RSF1: variants seen among roughly 807,000 people sequenced by gnomAD.
RSF1 encodes remodeling and spacing factor 1, also known as HBV pX-associated protein 8.
RSF1 carries 13 observed loss-of-function variants against 145.2 expected under a neutral mutation model. The ratio of observed to expected loss-of-function variants is 0.09; its 90% CI spans 0.06 to 0.14. RSF1 has a LOEUF of 0.14. RSF1 is among the 10% of genes least tolerant of loss of function. The pLI is 1.00. For missense variants in RSF1, 1,517 were observed against 1,718.2 expected (o/e 0.88, Z 2.07); for synonymous variants, 577 against 592.6 (o/e 0.97, Z 0.38).
intron 15 of RSF1, among the ~76,000 whole-genome samples, chr11:77,671,453 A>T (rs1959547493): frequency 6.6e-6 from 1 of 151,794 alleles, no homozygotes; most frequent in Non-Finnish European, 1.5e-5. Flanking sequence ...ATAAGGGAGT[A>T]AGAAAAAGAA....
rs200848771 is a variant in RSF1, at chr11:77,734,301, C to CT, written c.578+6429dup. On this transcript the variant is annotated intron_variant, in intron 4 of 15. Transcript: ENST00000308488. ...ACATATATTTATATTATTATTATTA[C>CT]TTTTTTTGGGGGGGGGTACCAAATT... Among the ~76,000 whole-genome samples, 5 of 140,374 alleles carry CT rather than the reference C, an allele frequency of 3.6e-5. No homozygotes were observed. In the South Asian group the frequency reaches 1.1e-3, roughly 31 times the overall value. 92.1% of individuals were successfully genotyped at this position (140,374 alleles called of 152,430 possible).
chr11:77,706,239 CCA>C (rs1491571415), intron 5 of RSF1, among the ~76,000 whole-genome samples: 1 of 127,444 alleles, frequency 7.8e-6, no homozygotes, highest in Non-Finnish European at 1.6e-5. Context: ...GACTCTGTCT[CCA>C]AAAAAAAAAA....
chr11:77,834,976 A>AT, the RSF1 span, among the ~76,000 whole-genome samples: 1 of 152,194 alleles, frequency 6.6e-6, no homozygotes, highest in Non-Finnish European at 1.5e-5. Flanking sequence ...GGGTATCCAT[A>AT]TTTTTATAAA....
intron 5 of RSF1, among the ~76,000 whole-genome samples, chr11:77,709,535 C>T (rs905266337): frequency 1.3e-5 from 2 of 152,104 alleles, no homozygotes; most frequent in Non-Finnish European, 2.9e-5. Context: ...AAGAAACTTT[C>T]ACGATTTTGA....
chr11:77,708,222 C>T (rs988944442), intron 5 of RSF1, among the ~76,000 whole-genome samples: 1 of 152,094 alleles, frequency 6.6e-6, no homozygotes, highest in Admixed American at 6.5e-5. Flanking sequence ...GAGTTTGAGA[C>T]CAGCCTGGGC....
intron 1 of RSF1, among the ~76,000 whole-genome samples, chr11:77,814,261 G>T (rs1290866785): frequency 6.6e-6 from 1 of 151,964 alleles, no homozygotes; most frequent in East Asian, 1.9e-4. Context: ...ACTTTGGGAG[G>T]CCGAGGTGGG....
intron 1 of RSF1, among the ~76,000 whole-genome samples, chr11:77,809,186 A>G (rs1948708192): frequency 6.6e-6 from 1 of 152,232 alleles, no homozygotes. Context: ...TTCCTTATCT[A>G]TAAAATGAAA....
At chr11:77,808,957 G>A (rs1044287819) in intron 1 of RSF1, among the ~76,000 whole-genome samples, 1 of 152,200 alleles carries the variant, frequency 6.6e-6, no homozygotes, top group Non-Finnish European at 1.5e-5. Context: ...TCAGATCATT[G>A]CTTAGAGTTC....
rs555391079 is a variant in RSF1 at position 77,781,514 on chromosome 11, G to A, written c.188-16825C>T. On this transcript the variant is annotated intron_variant, in intron 1 of 15. Transcript: ENST00000308488. ...CAGCAGTGGAGCTCATGAGTTGTGT[G>A]GTAGAGACAGGTTTAACCTAATAAG... Among the ~76,000 whole-genome samples, 3 of 152,294 alleles carry A rather than the reference G, an allele frequency of 2.0e-5. No homozygotes were observed. The South Asian group carries it at 6.2e-4, about 32-fold the overall frequency.
Position 77,701,482 on chromosome 11 carries a change from C to G in RSF1, c.1747G>C (p.Glu583Gln), listed in dbSNP as rs1454838701. 6.2e-7 allele frequency: 1 copy of G among 1,614,098 alleles called. No individual in the cohort carries two copies. Among genetic ancestry groups the G allele is most frequent in the Non-Finnish European group, 8.5e-7 (1 of 1,180,004 alleles). ...GACTTCTCTAACTTTTCAAGACATTCTAGGATTGGTGGGCGCTTATCCTTC... is the reference window on the plus strand; with the variant it reads ...GACTTCTCTAACTTTTCAAGACATTGTAGGATTGGTGGGCGCTTATCCTTC... Reference protein sequence around the residue: ...TKKDKRPPILECLEKLEKSKK... With the variant: ...TKKDKRPPILQCLEKLEKSKK... The change falls in exon 6 of 16, where the codon GAA (glutamate) becomes CAA (glutamine). Residue 583 changes from glutamate to glutamine, a missense_variant. Transcript: ENST00000308488.
At chr11:77,822,553 C>T (rs912316209), upstream of RSF1, among the ~76,000 whole-genome samples, 7 of 151,126 alleles carry the variant, frequency 4.6e-5, no homozygotes, top group Admixed American at 4.0e-4. Flanking sequence ...GTCACACAAA[C>T]ACCGAATTTT....
At chr11:77,841,003 A>AT in the RSF1 span, 21 of 516,822 alleles carry the variant, frequency 4.1e-5, no homozygotes, top group Non-Finnish European at 5.9e-5. Context: ...AATGAAAATA[A>AT]TTTTTTTTCT....
chr11:77,735,510 C>A (rs1961326306), intron 4 of RSF1, among the ~76,000 whole-genome samples: 1 of 151,908 alleles, frequency 6.6e-6, no homozygotes, highest in Non-Finnish European at 1.5e-5. Context: ...GTTATATAAT[C>A]CTCTTTTAAG....
rs1218260089 is a variant in RSF1 at position 77,667,013 on chromosome 11, A to G, written c.4230T>C (p.Ser1410=). ...CTGGTGCTCCTGCCTCCTGCCCACC[A>G]CTTGTCCCATTGGAGGCTAGGCTTG... The part of the protein sequence containing the change: ...ASASLASNGT[S]GGQEAGAPEE... Residue 1410 remains serine (S), a synonymous_variant, in exon 16 of 16, where the codon AGT becomes AGC. Transcript: ENST00000308488. 8.7e-6 allele frequency: 14 copies of G among 1,613,238 alleles called. No homozygotes were observed. Among genetic ancestry groups the G allele is most frequent in the African/African-American group, 1.3e-5 (1 of 74,884 alleles).
the RSF1 span, among the ~76,000 whole-genome samples, chr11:77,868,140 C>A: frequency 6.6e-6 from 1 of 150,680 alleles, no homozygotes; most frequent in East Asian, 2.0e-4. Flanking sequence ...ACTGCAAGCT[C>A]TGCCTCCCAG....
chr11:77,854,429 G>A, the RSF1 span, among the ~76,000 whole-genome samples: 4 of 152,190 alleles, frequency 2.6e-5, no homozygotes, highest in Non-Finnish European at 4.4e-5. Flanking sequence ...ATACAATGGG[G>A]TTATAGGCAT....
rs931444429 is a variant in RSF1, at chr11:77,666,434, G to A, written c.*483C>T. On this transcript the variant is annotated 3_prime_UTR_variant, in exon 16 of 16. Coordinates refer to ENST00000308488, the MANE Select transcript of RSF1 (RefSeq NM_016578.4). ...TCTCAAACTGTAACAGTACAGACTT[G>A]AACTTTTAAATTGTCTGTAAATCAT... 13 of 152,450 alleles carry A rather than the reference G, an allele frequency of 8.5e-5. No individual in the cohort carries two copies. The highest frequency in any genetic ancestry group is 2.9e-4 in the African/African-American group (12 of 41,352). The allele number at this position is 152,450 out of a possible 1,614,324, so 9.4% of individuals were successfully genotyped here.
At chr11:77,699,641 G>A (rs1157852633) in intron 6 of RSF1, among the ~76,000 whole-genome samples, 1 of 152,158 alleles carries the variant, frequency 6.6e-6, no homozygotes, top group African/African-American at 2.4e-5. Flanking sequence ...AACAGGCACT[G>A]TCATACACTG....
intron 5 of RSF1, among the ~76,000 whole-genome samples, chr11:77,714,851 A>AG (rs988937500): frequency 1.3e-5 from 2 of 152,122 alleles, no homozygotes; most frequent in Non-Finnish European, 2.9e-5. Flanking sequence ...TTAAAAAAAA[A>AG]AAAGGCTTAC....
Sources: gnomAD v4.1 joint callset for allele counts (sites outside exome capture counted in the v4.1 genomes callset) on GRCh38, gnomAD v4.1.1 for gene constraint, MANE v1.5 for transcripts, NCBI Gene and HGNC (gene_info 2026-07-23, HGNC 2026-07-21) for gene names.